Variants in MYOM1 observed in about 807,000 individuals in gnomAD.
The protein encoded by MYOM1 is myomesin 1.
In MYOM1, 164 loss-of-function variants were observed where a neutral mutation model predicts 205.3. That is an observed-to-expected ratio of 0.80 (90% CI 0.70 to 0.91). The LOEUF (loss-of-function observed/expected upper bound fraction) is 0.91. MYOM1 is among the 40% of genes least tolerant of loss of function. The pLI is 0.00. For missense variants in MYOM1, 2,011 were observed against 2,127.3 expected (o/e 0.95, Z 1.08); for synonymous variants, 772 against 789.4 (o/e 0.98, Z 0.37).
At chr18:3,150,044 G>A (rs370520171) in intron 12 of MYOM1, among the ~76,000 whole-genome samples, 185 of 152,142 alleles carry the variant, frequency 1.2e-3, no homozygotes, top group Non-Finnish European at 2.0e-3. Flanking sequence ...CACGGTTGCC[G>A]GGGAAATGGT....
intron 33 of MYOM1, among the ~76,000 whole-genome samples, chr18:3,080,431 T>G (rs2079071191): frequency 6.6e-6 from 1 of 152,168 alleles, no homozygotes; most frequent in Non-Finnish European, 1.5e-5. Flanking sequence ...CCCAGCACTT[T>G]GGGAAGCGGA....
intron 35 of MYOM1, 118 bp downstream of exon 35, chr18:3,075,607 C>T (rs1358701327): frequency 1.4e-6 from 2 of 1,401,084 alleles, no homozygotes; most frequent in Non-Finnish European, 2.0e-6. Context: ...GGAAGTGCTG[C>T]TTCTACTGTA....
In MYOM1 at chr18:3,187,502, A is replaced by C. The variant is rs775851893; in HGVS notation, c.907T>G (p.Trp303Gly). ...NVKLHCSIAG[W>G]PEPRVTWYKN... ...TACCACGTGACACGAGGTTCTGGCCAGCCTGCTATGGAGCAATGCAATTTT... is the reference window on the plus strand; with the variant it reads ...TACCACGTGACACGAGGTTCTGGCCCGCCTGCTATGGAGCAATGCAATTTT... Residue 303 changes from tryptophan to glycine, a missense_variant, in exon 5 of 38, where the codon TGG (tryptophan) becomes GGG (glycine). Coordinates refer to ENST00000356443, the MANE Select transcript of MYOM1 (RefSeq NM_003803.4). 27 of 1,613,734 alleles carry C rather than the reference A, an allele frequency of 1.7e-5. 1 individual carries two copies. In the South Asian group the frequency reaches 2.3e-4, roughly 14 times the overall value.
At chr18:3,227,594 G>A in the MYOM1 span, among the ~76,000 whole-genome samples, 3 of 152,074 alleles carry the variant, frequency 2.0e-5, no homozygotes, top group East Asian at 1.9e-4. Context: ...CGAGGTGGGC[G>A]AGTCACAAGG....
At chr18:3,181,241 T>C (rs1426418878) in intron 5 of MYOM1, among the ~76,000 whole-genome samples, 1 of 152,146 alleles carries the variant, frequency 6.6e-6, no homozygotes, top group African/African-American at 2.4e-5. Flanking sequence ...TGATCTTTAA[T>C]ATACTGAATC....
chr18:3,083,427 CT>C (rs35959808), intron 33 of MYOM1, among the ~76,000 whole-genome samples: 241 of 98,536 alleles, frequency 2.4e-3, no homozygotes, highest in Admixed American at 3.6e-3. Flanking sequence ...TTTTCTTTTT[CT>C]TTTTTTTTTT....
At chr18:3,241,917 T>C in the MYOM1 span, among the ~76,000 whole-genome samples, 1 of 152,208 alleles carries the variant, frequency 6.6e-6, no homozygotes, top group Non-Finnish European at 1.5e-5. Context: ...ACTGCCCTGC[T>C]GGATTTTGGA....
intron 22 of MYOM1, among the ~76,000 whole-genome samples, chr18:3,109,127 C>A (rs1370896511): frequency 6.6e-6 from 1 of 151,682 alleles, no homozygotes; most frequent in Non-Finnish European, 1.5e-5. Context: ...ATTACAGATG[C>A]CCGCCACACG....
At chr18:3,095,328 G>A (rs2079287380) in intron 25 of MYOM1, among the ~76,000 whole-genome samples, 1 of 152,128 alleles carries the variant, frequency 6.6e-6, no homozygotes, top group South Asian at 2.1e-4. Context: ...TAATACTTGG[G>A]GAGGCCGAGG....
chr18:3,147,737 C>T (rs976861093), intron 13 of MYOM1, among the ~76,000 whole-genome samples: 1 of 152,034 alleles, frequency 6.6e-6, no homozygotes, highest in Non-Finnish European at 1.5e-5. Flanking sequence ...AATACAAATT[C>T]GTTGGGTAAA....
At position 3,116,349 on chromosome 18, in the gene MYOM1, A is replaced by C. The variant is rs1272751993; in HGVS notation, c.3285T>G (p.Ile1095Met). 4 of 1,611,726 alleles carry C rather than the reference A, an allele frequency of 2.5e-6. No homozygotes were observed. In the South Asian group the frequency reaches 4.4e-5, roughly 18 times the overall value. Residue 1095 changes from isoleucine (I) to methionine (M), a missense_variant, in exon 21 of 38, where the codon ATT becomes ATG. Transcript: ENST00000356443. ...CTCTTACCTTCAGGTATACGTTTTT[A>C]ATAGCCGCCTCATTGAGCCCTCGCC... ...DQWRGLNEAA[I>M]KNVYLKVRGL...
In MYOM1 at chr18:3,215,052, A is replaced by G. The variant is rs756140057; in HGVS notation, c.172T>C (p.Ser58Pro). The change falls in exon 2 of 38, where the codon TCC becomes CCC. Residue 58 changes from serine to proline, a missense_variant. Transcript: ENST00000356443. ...GCGGACGCCCGACGGAAGGCCTCGG[A>G]CTCCCGGCGGTGCGCGGCGGAGGAG... Reference protein sequence around the residue: ...SRSSAAHRRESEAFRRASASS... With the variant: ...SRSSAAHRREPEAFRRASASS... The G allele has an allele frequency of 6.2e-7, 1 of 1,613,216 alleles. No homozygotes were observed. Among genetic ancestry groups the G allele is most frequent in the East Asian group, 2.2e-5 (1 of 44,846 alleles).
At chr18:3,070,238 T>TTACAG (rs2078944047) in intron 37 of MYOM1, among the ~76,000 whole-genome samples, 5 of 152,224 alleles carry the variant, frequency 3.3e-5, no homozygotes, top group African/African-American at 1.2e-4. Context: ...AGCTTTGACC[T>TTACAG]CCTGGGCTCA....
At chr18:3,216,981 T>A (rs2144267893) in intron 1 of MYOM1, 1 of 152,264 alleles carries the variant, frequency 6.6e-6, no homozygotes, top group South Asian at 2.1e-4. Flanking sequence ...TATATGATGG[T>A]GTCTCTATAG....
intron 23 of MYOM1, among the ~76,000 whole-genome samples, chr18:3,101,359 C>T (rs373663857): frequency 6.6e-6 from 1 of 152,182 alleles, no homozygotes; most frequent in East Asian, 1.9e-4. Flanking sequence ...GCTTGGTAAG[C>T]TTTTGCTATA....
chr18:3,178,857 T>C (rs2144108019), intron 5 of MYOM1, among the ~76,000 whole-genome samples: 1 of 152,208 alleles, frequency 6.6e-6, no homozygotes, highest in South Asian at 2.1e-4. Flanking sequence ...GTTGGGATTG[T>C]GTCTGATCCA....
At chr18:3,091,671 A>C (rs973161224) in intron 26 of MYOM1, among the ~76,000 whole-genome samples, 2 of 152,196 alleles carry the variant, frequency 1.3e-5, no homozygotes, top group Non-Finnish European at 2.9e-5. Flanking sequence ...TGTTACCCCA[A>C]GTCACAAAAT....
Position 3,192,160 on chromosome 18 carries a change from A to G in MYOM1, c.431+1658T>C, listed in dbSNP as rs114860045. On this transcript the variant is annotated intron_variant, in intron 3 of 37. Coordinates refer to ENST00000356443, the MANE Select transcript of MYOM1 (RefSeq NM_003803.4). ...AGTCATGTCACGTAGGCTGGTGTTA[A>G]GCTGATGTGGTTTTTAAATGATTTT... Among the ~76,000 whole-genome samples, 816 of 152,280 alleles carry G rather than the reference A, an allele frequency of 5.4e-3. 9 individuals carry two copies. The highest frequency in any genetic ancestry group is 0.019 in the African/African-American group (769 of 41,560).
rs2079149779 is a variant in MYOM1 at position 3,086,070 on chromosome 18, T to C, written c.4219A>G (p.Lys1407Glu). 6.2e-7 allele frequency: 1 copy of C among 1,610,626 alleles called. No individual in the cohort carries two copies. The highest frequency in any genetic ancestry group is 1.3e-5 in the African/African-American group (1 of 74,998). Residue 1407 changes from lysine (K) to glutamate (E), a missense_variant, in exon 30 of 38, where the codon AAG (lysine) becomes GAG (glutamate). By Grantham distance (56) the Lys-to-Glu change is moderately conservative (BLOSUM62 1). Coordinates refer to ENST00000356443, the MANE Select transcript of MYOM1 (RefSeq NM_003803.4). The stretch of plus-strand genomic sequence containing the variant: ...ATAAGCAGGGTACATATACCATCCT[T>C]AAAGTCATGCTTTTCATCCACTGAT... ...EISVDEKHDF[K>E]DGICTLLITE...
Sources: gnomAD v4.1 joint callset for allele counts (sites outside exome capture counted in the v4.1 genomes callset) on GRCh38, gnomAD v4.1.1 for gene constraint, MANE v1.5 for transcripts, NCBI Gene and HGNC (gene_info 2026-07-23, HGNC 2026-07-21) for gene names.